Variants in POLG observed in about 807,000 individuals in gnomAD.
POLG encodes DNA polymerase gamma, catalytic subunit, also known as DNA polymerase subunit gamma-1.
POLG carries 110 observed loss-of-function variants against 155.4 expected under a neutral mutation model. The observed-to-expected ratio is 0.71, with a 90% CI of 0.61 to 0.83. POLG has a LOEUF of 0.83. POLG is among the 40% of genes least tolerant of loss of function. The pLI is 0.00. For synonymous variants in POLG, 701 were observed against 631.5 expected (o/e 1.11, Z -1.65); for missense variants, 1,685 against 1,627.5 (o/e 1.04, Z -0.61).
Position 89,316,583 on chromosome 15 carries a change from C to A in POLG, c.*168G>T. 2 of 1,127,384 alleles carry A rather than the reference C, an allele frequency of 1.8e-6. No individual in the cohort carries two copies. Among genetic ancestry groups the A allele is most frequent in the Non-Finnish European group, 2.6e-6 (2 of 757,242 alleles). 69.8% of individuals were successfully genotyped at this position (1,127,384 alleles called of 1,614,324 possible). A position where few individuals can be genotyped will look rare whatever the true frequency, so the allele number is the denominator to read the frequency against. On this transcript the variant is annotated 3_prime_UTR_variant, in exon 23 of 23. Coordinates refer to ENST00000268124, the MANE Select transcript of POLG (RefSeq NM_002693.3). ...ATCTTGGTTCTGAACCCACTGAATT[C>A]AACTGCACCTTCAGTTAGAAGGAAT...
Position 89,322,799 on chromosome 15 carries a change from CG to C in POLG, c.2368del (p.Arg790ValfsTer8). 1 of 1,614,174 alleles carries C rather than the reference CG, an allele frequency of 6.2e-7. No individual in the cohort carries two copies. Among genetic ancestry groups the C allele is most frequent in the Non-Finnish European group, 8.5e-7 (1 of 1,180,030 alleles). On this transcript the variant is annotated frameshift_variant, in exon 14 of 23. Transcript: ENST00000268124. LOFTEE classifies it high-confidence loss of function. The stretch of plus-strand genomic sequence containing the variant: ...AATCATTTTGTTGATTTCCAGAGCA[CG>C]GGGCCCACTGGCACCTCCTGGGCCA... The part of the protein sequence containing the change: ...QAGPGGASGP[R>X]ALEINKMISF...
At chr15:89,319,421 T>C (rs2055361608) in intron 18 of POLG, 71 bp from the exon 19 acceptor site, 3 of 1,589,760 alleles carry the variant, frequency 1.9e-6, no homozygotes, top group East Asian at 2.2e-5. Flanking sequence ...TGGCAAGGAA[T>C]GTTCACATAT....
At position 89,329,044 on chromosome 15, in the gene POLG, G is replaced by A. The variant is rs1555453824; in HGVS notation, c.922C>T (p.Gln308Ter). Residue 308 changes from glutamine (Q) to a stop codon, truncating the protein, a stop_gained, in exon 4 of 23, where the codon CAG (glutamine) becomes TAG (stop). Coordinates refer to ENST00000268124, the MANE Select transcript of POLG (RefSeq NM_002693.3). LOFTEE classifies it high-confidence loss of function. The stretch of plus-strand genomic sequence containing the variant: ...TTGGCTGCTATCCACAGACTGCGCT[G>A]GAAGCTGCTTAGCCCTGAGATGGCC... ...HMAISGLSSF[Q>*]RSLWIAAKQG... 1 of 1,613,276 alleles carries A rather than the reference G, an allele frequency of 6.2e-7. No homozygotes were observed.
In POLG at chr15:89,325,034, C is replaced by CAGAGAGTGAGTGAGTG. The variant is rs1555453253; in HGVS notation, c.1949+400_1949+415dup. Among the ~76,000 whole-genome samples, 9 of 118,360 alleles carry CAGAGAGTGAGTGAGTG rather than the reference C, an allele frequency of 7.6e-5. 2 individuals are homozygous for CAGAGAGTGAGTGAGTG. Among genetic ancestry groups the CAGAGAGTGAGTGAGTG allele is most frequent in the African/African-American group, 3.2e-4 (9 of 27,742 alleles). 77.6% of individuals were successfully genotyped at this position (118,360 alleles called of 152,430 possible). A position where few individuals can be genotyped will look rare whatever the true frequency, so the allele number is the denominator to read the frequency against. On this transcript the variant is annotated intron_variant, in intron 10 of 22. Coordinates refer to ENST00000268124, the MANE Select transcript of POLG (RefSeq NM_002693.3). ...AGCCATGGAAGAAAAAACCTGAACC[C>CAGAGAGTGAGTGAGTG]AGAGAGTGAGTGAGTGAGTGAGAGA...
rs1440493081 is a variant in POLG at position 89,333,436 on chromosome 15, G to A, written c.319C>T (p.Leu107=). The part of the protein sequence containing the change: ...EAAVRRSVEH[L]QKHGLWGQPA... ...TGCCCCCAGAGCCCGTGCTTCTGCAGGTGCTCGACGCTGCGGCGCACCGCG... is the reference window on the plus strand; with the variant it reads ...TGCCCCCAGAGCCCGTGCTTCTGCAAGTGCTCGACGCTGCGGCGCACCGCG... The change falls in exon 2 of 23, where the codon CTG becomes TTG. Residue 107 remains leucine, a synonymous_variant. Transcript: ENST00000268124. The A allele has an allele frequency of 3.1e-6, 5 of 1,609,216 alleles. No individual in the cohort carries two copies. The Admixed American group carries it at 5.0e-5, about 16-fold the overall frequency.
rs1555453253 is a variant in POLG, at chr15:89,325,034, C to CAGAGAGTGAGTGAGTGAGAGAGTGAG, written c.1949+415_1949+416insCTCACTCTCTCACTCACTCACTCTCT. On this transcript the variant is annotated intron_variant, in intron 10 of 22. Transcript: ENST00000268124. ...AGCCATGGAAGAAAAAACCTGAACC[C>CAGAGAGTGAGTGAGTGAGAGAGTGAG]AGAGAGTGAGTGAGTGAGTGAGAGA... 1.2e-4 allele frequency among the ~76,000 whole-genome samples: 14 copies of CAGAGAGTGAGTGAGTGAGAGAGTGAG among 118,362 alleles called. 1 individual carries two copies. Among genetic ancestry groups the CAGAGAGTGAGTGAGTGAGAGAGTGAG allele is most frequent in the African/African-American group, 4.7e-4 (13 of 27,744 alleles). The allele number at this position is 118,362 out of a possible 152,430, so 77.7% of individuals were successfully genotyped here. A position where few individuals can be genotyped will look rare whatever the true frequency, so the allele number is the denominator to read the frequency against.
chr15:89,316,518 C>A lies in POLG; in HGVS notation c.*233G>T. On this transcript the variant is annotated 3_prime_UTR_variant, in exon 23 of 23. Transcript: ENST00000268124. ...TTCTGCTTCATTTTTACCCAACAAG[C>A]AACAATGCCCCTTGTCCTGTAGTCC... 1 of 1,515,416 alleles carries A rather than the reference C, an allele frequency of 6.6e-7. No individual in the cohort carries two copies. Among genetic ancestry groups the A allele is most frequent in the Non-Finnish European group, 9.0e-7 (1 of 1,106,360 alleles). 93.9% of individuals were successfully genotyped at this position (1,515,416 alleles called of 1,614,324 possible).
chr15:89,330,191 C>A lies in POLG; in HGVS notation c.745G>T (p.Val249Phe). The A allele has an allele frequency of 6.2e-7, 1 of 1,613,750 alleles. No individual in the cohort carries two copies. Among genetic ancestry groups the A allele is most frequent in the Middle Eastern group, 1.7e-4 (1 of 6,060 alleles). The change falls in exon 3 of 23, where the codon GTC becomes TTC. Residue 249 changes from valine (V) to phenylalanine (F), a missense_variant. Val to Phe is a conservative substitution (Grantham distance 50). Coordinates refer to ENST00000268124, the MANE Select transcript of POLG (RefSeq NM_002693.3). ...GTGGGGCTGCTGGCACCAGTAGGGA[C>A]CTCCAGGGGGATGAGGTCAGCCGGC... ...LSPADLIPLEVPTGASSPTQR... is the reference protein window; with the variant it reads ...LSPADLIPLEFPTGASSPTQR...
intron 13 of POLG, 140 bp downstream of exon 13, chr15:89,323,264 T>C (rs997304696): frequency 1.4e-6 from 1 of 695,444 alleles, no homozygotes; most frequent in South Asian, 1.6e-5. Context: ...GATGACAGTA[T>C]GTGCCTGAAA....
At chr15:89,323,932 G>A (rs767251137) in intron 11 of POLG, 31 bp from the exon 12 acceptor site, 1 of 1,573,062 alleles carries the variant, frequency 6.4e-7, no homozygotes, top group Non-Finnish European at 8.8e-7. Context: ...AAGTAGTGAA[G>A]CAGGGGACTG....
chr15:89,325,127 T>TGAGAGAAAGA (rs2055473378), intron 10 of POLG, among the ~76,000 whole-genome samples: 1 of 38,206 alleles, frequency 2.6e-5, no homozygotes, highest in African/African-American at 1.4e-4. Context: ...AGTGAGTGAG[T>TGAGAGAAAGA]GAGAGAGTGA....
In POLG at chr15:89,316,647, T is replaced by A; in HGVS notation, c.*104A>T. 4 of 1,184,222 alleles carry A rather than the reference T, an allele frequency of 3.4e-6. No homozygotes were observed. Among genetic ancestry groups the A allele is most frequent in the Non-Finnish European group, 5.0e-6 (4 of 792,544 alleles). 73.4% of individuals were successfully genotyped at this position (1,184,222 alleles called of 1,614,324 possible). The stretch of plus-strand genomic sequence containing the variant: ...CCTGCTACTGAAAAATGGCTGGCCT[T>A]AGGCAAGCCCTTTTGCAAAAAGCAC... On this transcript the variant is annotated 3_prime_UTR_variant, in exon 23 of 23. Transcript: ENST00000268124.
intron 10 of POLG, among the ~76,000 whole-genome samples, chr15:89,325,179 A>AGAGTGAGT (rs753140211): frequency 3.4e-5 from 2 of 59,470 alleles, no homozygotes; most frequent in African/African-American, 1.6e-4. Context: ...AGAGAGTGAG[A>AGAGTGAGT]GAGTGAGTGA....
intron 14 of POLG, among the ~76,000 whole-genome samples, 168 bp from the exon 15 acceptor site, chr15:89,322,183 A>G (rs534213153): frequency 7.2e-5 from 11 of 152,328 alleles, no homozygotes; most frequent in African/African-American, 1.9e-4. Flanking sequence ...CTGGGGCCCT[A>G]TGATACACCA....
chr15:89,325,055 AGAGAGTGAGT>A (rs1317812852), intron 10 of POLG, among the ~76,000 whole-genome samples: 5 of 114,408 alleles, frequency 4.4e-5, no homozygotes, highest in East Asian at 2.7e-4. Context: ...TGAGTGAGTG[AGAGAGTGAGT>A]GAGTGAGTGA....
chr15:89,325,254 G>A lies in POLG; in HGVS notation c.1949+196C>T, dbSNP rs1354966451. 4.4e-5 allele frequency among the ~76,000 whole-genome samples: 4 copies of A among 91,740 alleles called. 1 individual carries two copies. Among genetic ancestry groups the A allele is most frequent in the African/African-American group, 2.5e-4 (4 of 15,754 alleles). 60.2% of individuals were successfully genotyped at this position (91,740 alleles called of 152,430 possible). ...AGTGAGAGAGTGAGTGAGTGAGAGA[G>A]AGAGTGAGTGAGTGAGTGAGAGAGA... is the stretch of plus-strand genomic sequence containing the variant. On this transcript the variant is annotated intron_variant, in intron 10 of 22. Transcript: ENST00000268124.
chr15:89,325,157 A>T (rs1596356066), intron 10 of POLG, among the ~76,000 whole-genome samples: 6 of 97,768 alleles, frequency 6.1e-5, no homozygotes, highest in African/African-American at 1.6e-4. Flanking sequence ...TGAGTGAGTG[A>T]GTGAGTGAGT....
chr15:89,321,150 T>G lies in POLG; in HGVS notation c.2709A>C (p.Gly903=), dbSNP rs780944616. The G allele has an allele frequency of 1.2e-6, 2 of 1,614,196 alleles. No individual in the cohort carries two copies. The highest frequency in any genetic ancestry group is 2.2e-5 in the South Asian group (2 of 91,086). ...CATGCATGCCGGCAAAGTGGGCGTC[T>G]CCAAGCACAGCTGCAATCCACAGCT... The part of the protein sequence containing the change: ...SQELWIAAVL[G]DAHFAGMHGC... The change falls in exon 17 of 23, where the codon GGA becomes GGC. Residue 903 remains glycine (G), a synonymous_variant. Coordinates refer to ENST00000268124, the MANE Select transcript of POLG (RefSeq NM_002693.3).
chr15:89,319,501 C>T, intron 18 of POLG, 151 bp from the exon 19 acceptor site: 2 of 1,029,164 alleles, frequency 1.9e-6, no homozygotes, highest in African/African-American at 1.6e-5. Flanking sequence ...GAAGAAACGG[C>T]TCAGAGAGGC....
Sources: allele counts gnomAD v4.1 joint callset (sites outside exome capture counted in the v4.1 genomes callset), GRCh38; gene constraint gnomAD v4.1.1; transcripts MANE v1.5; gene names NCBI Gene and HGNC (gene_info 2026-07-23, HGNC 2026-07-21).